GNG2: variants seen among roughly 807,000 people sequenced by gnomAD.
The protein encoded by GNG2 is G protein subunit gamma 2.
GNG2 carries 5 observed loss-of-function variants against 5.5 expected under a neutral mutation model. The observed-to-expected ratio is 0.91, with a 90% confidence interval of 0.48 to 1.92. GNG2 has a LOEUF of 1.92. Among genes scored for constraint, GNG2 ranks in the 30% most tolerant of loss-of-function variants. GNG2 has a pLI of 0.01. For synonymous variants in GNG2, 28 were observed against 32.0 expected, an observed-to-expected ratio of 0.88 and a Z score of 0.42; for missense variants, 55 against 88.4, an observed-to-expected ratio of 0.62 and a Z score of 1.52.
intron 3 of GNG2, among the ~76,000 whole-genome samples, chr14:51,957,239 C>G (rs1361859440): frequency 3.9e-5 from 6 of 152,148 alleles, no homozygotes. Context: ...GTTTTTGATT[C>G]TCTACATCAT....
At chr14:51,933,040 A>G (rs969401609) in intron 2 of GNG2, among the ~76,000 whole-genome samples, 27 of 152,212 alleles carry the variant, frequency 1.8e-4, no homozygotes, top group Non-Finnish European at 3.4e-4. Flanking sequence ...GCCAGTAGCC[A>G]TCAGAAGCTG....
At chr14:51,931,504 G>A (rs955693776) in intron 2 of GNG2, among the ~76,000 whole-genome samples, 3 of 152,184 alleles carry the variant, frequency 2.0e-5, no homozygotes, top group Non-Finnish European at 2.9e-5. Flanking sequence ...ATCGGGAGAT[G>A]TAAGCAAGGA....
rs1168858913 is a variant in GNG2, at chr14:51,872,691, T to A, written c.-70-4926T>A. On this transcript the variant is annotated intron_variant, in intron 1 of 3. Transcript: ENST00000556766. Reference sequence around the variant, plus strand: ...TGAGAAAATAGTCTTCCCTAAGCCCTATTGTGATGTTCCAGTTATAAACAA... The same window carrying A: ...TGAGAAAATAGTCTTCCCTAAGCCCAATTGTGATGTTCCAGTTATAAACAA... Among the ~76,000 whole-genome samples the A allele has an allele frequency of 2.0e-5, 3 of 152,346 alleles. No individual in the cohort carries two copies. In the East Asian group the frequency reaches 5.8e-4, roughly 29 times the overall value.
chr14:51,939,582 G>A (rs1205514473), intron 2 of GNG2, among the ~76,000 whole-genome samples: 6 of 152,188 alleles, frequency 3.9e-5, no homozygotes, highest in Non-Finnish European at 7.4e-5. Flanking sequence ...GAAATACGTT[G>A]TTTTGTCTCT....
At chr14:51,923,625 G>C (rs1887151529) in intron 2 of GNG2, among the ~76,000 whole-genome samples, 1 of 151,728 alleles carries the variant, frequency 6.6e-6, no homozygotes, top group African/African-American at 2.4e-5. Flanking sequence ...ATAAATATTT[G>C]TTTGGCTGAC....
rs557452566 is a variant in GNG2, at chr14:51,886,877, G to T, written c.-30+9220G>T. The stretch of plus-strand genomic sequence containing the variant: ...GTTTAGTTTCCTGGGGTATAAGCCA[G>T]GTGGAATAGGATGGAGAATGGATTT... On this transcript the variant is annotated intron_variant, in intron 2 of 3. Transcript: ENST00000556766. Among the ~76,000 whole-genome samples, 9 of 152,284 alleles carry T rather than the reference G, an allele frequency of 5.9e-5. No individual in the cohort carries two copies. In the East Asian group the frequency reaches 1.7e-3, roughly 29 times the overall value.
chr14:51,847,931 A>G (rs1881712421), intron 2 of GNG2, among the ~76,000 whole-genome samples: 1 of 101,542 alleles, frequency 9.8e-6, no homozygotes, highest in African/African-American at 4.0e-5. Flanking sequence ...ATTACCTCTC[A>G]TCTTCCTTTT....
intron 2 of GNG2, among the ~76,000 whole-genome samples, chr14:51,942,683 C>G: frequency 6.7e-6 from 1 of 149,724 alleles, no homozygotes; most frequent in Non-Finnish European, 1.5e-5. Flanking sequence ...CTCAGCGCCC[C>G]CAAGTAGCTG....
intron 2 of GNG2, among the ~76,000 whole-genome samples, chr14:51,919,211 CTATT>C (rs1886859451): frequency 6.6e-6 from 1 of 152,134 alleles, no homozygotes; most frequent in South Asian, 2.1e-4. Flanking sequence ...AATTTAAACT[CTATT>C]AATTCACACT....
At chr14:51,945,647 T>C (rs536821838) in intron 2 of GNG2, among the ~76,000 whole-genome samples, 1 of 152,234 alleles carries the variant, frequency 6.6e-6, no homozygotes, top group Non-Finnish European at 1.5e-5. Context: ...TTAATACCAC[T>C]GAACTATATG....
intron 2 of GNG2, among the ~76,000 whole-genome samples, chr14:51,882,806 G>A (rs758666833): frequency 1.3e-5 from 2 of 151,966 alleles, no homozygotes; most frequent in Non-Finnish European, 2.9e-5. Context: ...TCAGGAGATC[G>A]GGACCATCCT....
chr14:51,950,032 G>A (rs1482807239), intron 2 of GNG2, among the ~76,000 whole-genome samples: 1 of 152,100 alleles, frequency 6.6e-6, no homozygotes, highest in Non-Finnish European at 1.5e-5. Context: ...GGGCCACCAT[G>A]CCCAGCCAAG....
At chr14:51,958,388 A>G (rs371824222) in intron 3 of GNG2, among the ~76,000 whole-genome samples, 1 of 141,974 alleles carries the variant, frequency 7.0e-6, no homozygotes, top group Admixed American at 7.2e-5. Context: ...CTCTCAGTGG[A>G]TAGAGCTAGA....
chr14:51,951,971 A>T, intron 3 of GNG2: 1 of 688,810 alleles, frequency 1.5e-6, no homozygotes, highest in Non-Finnish European at 2.6e-6. Flanking sequence ...TAAAAGGACC[A>T]ATTACCGAAC....
intron 1 of GNG2, among the ~76,000 whole-genome samples, chr14:51,875,040 C>T (rs1883565111): frequency 6.6e-6 from 1 of 152,198 alleles, no homozygotes. Context: ...ATGGCTCCAT[C>T]TGTTAATTAA....
intron 2 of GNG2, among the ~76,000 whole-genome samples, chr14:51,844,986 A>G (rs1290689331): frequency 1.3e-5 from 2 of 152,132 alleles, no homozygotes; most frequent in Non-Finnish European, 2.9e-5. Context: ...CGGCCTCCCA[A>G]AGTGCTGGGA....
intron 2 of GNG2, among the ~76,000 whole-genome samples, chr14:51,893,862 C>T (rs926417301): frequency 6.6e-6 from 1 of 152,216 alleles, no homozygotes; most frequent in Middle Eastern, 3.4e-3. Context: ...TGAATTGGAA[C>T]ACTACTTTAG....
intron 2 of GNG2, among the ~76,000 whole-genome samples, chr14:51,888,013 T>C (rs1265672547): frequency 6.6e-6 from 1 of 152,220 alleles, no homozygotes; most frequent in Non-Finnish European, 1.5e-5. Context: ...GTATAGTTGA[T>C]ATACAATAAA....
chr14:51,905,533 C>A (rs8006278), intron 2 of GNG2, among the ~76,000 whole-genome samples: 23,868 of 152,126 alleles, frequency 0.16, 4,006 homozygotes, highest in African/African-American at 0.42. Context: ...ATTTAGGCAC[C>A]TTAGATCCAC....
Sources: allele counts gnomAD v4.1 joint callset (sites outside exome capture counted in the v4.1 genomes callset), GRCh38; gene constraint gnomAD v4.1.1; transcripts MANE v1.5; gene names NCBI Gene and HGNC (gene_info 2026-07-23, HGNC 2026-07-21).